The following F11R variants were observed in gnomAD, a reference collection of about 807,000 sequenced individuals.
F11R encodes the protein junctional adhesion molecule A.
F11R carries 27 observed loss-of-function variants against 39.3 expected under a neutral mutation model. That is an observed-to-expected ratio of 0.69 (90% confidence interval 0.51 to 0.95). The LOEUF is 0.95. Ranked by LOEUF, F11R falls within the 40% of genes least tolerant of loss-of-function variation. The pLI is 0.00. For synonymous variants in F11R, 131 were observed against 144.9 expected, an observed-to-expected ratio of 0.90 and a Z score of 0.69; for missense variants, 335 against 372.7, an observed-to-expected ratio of 0.90 and a Z score of 0.83.
chr1:161,008,447 A>G (rs1379423916), intron 1 of F11R, among the ~76,000 whole-genome samples: 3 of 152,046 alleles, frequency 2.0e-5, no homozygotes, highest in Non-Finnish European at 4.4e-5. Flanking sequence ...GCTTGCAGTA[A>G]GCTGAGATGG....
intron 7 of F11R, 51 bp downstream of exon 7, chr1:160,999,589 G>T: frequency 6.4e-7 from 1 of 1,559,960 alleles, no homozygotes; most frequent in Non-Finnish European, 8.8e-7. Flanking sequence ...CCCATGCCAG[G>T]CCCTGGGATG....
intron 1 of F11R, among the ~76,000 whole-genome samples, chr1:161,012,597 TAA>T (rs1491165585): frequency 2.6e-4 from 36 of 139,950 alleles, no homozygotes; most frequent in African/African-American, 8.1e-4. Context: ...TTGAATTAAT[TAA>T]TTTTATTTAT....
intron 1 of F11R, among the ~76,000 whole-genome samples, chr1:161,019,356 G>A (rs1372418177): frequency 6.6e-6 from 1 of 152,152 alleles, no homozygotes; most frequent in Non-Finnish European, 1.5e-5. Context: ...AGCACGTTGG[G>A]AGGCCGAGGC....
intron 1 of F11R, among the ~76,000 whole-genome samples, chr1:161,001,624 A>G (rs1648498385): frequency 6.6e-6 from 1 of 152,238 alleles, no homozygotes; most frequent in South Asian, 2.1e-4. Flanking sequence ...GTGACTCCCA[A>G]TAATCTAATT....
At chr1:161,002,282 A>C (rs898660730) in intron 1 of F11R, among the ~76,000 whole-genome samples, 12 of 150,916 alleles carry the variant, frequency 8.0e-5, no homozygotes, top group African/African-American at 1.5e-4. Context: ...AAAAAAAAAA[A>C]ACACACAACT....
At position 160,995,390 on chromosome 1, in the gene F11R, CAG is replaced by C. The variant is rs1341389585; in HGVS notation, c.*3479_*3480del. On this transcript the variant is annotated 3_prime_UTR_variant, in exon 10 of 10. Transcript: ENST00000368026. ...GTAGATCCTGTTAAGACAGGAAAAA[CAG>C]TGTTGGTCAAAGGGTACACGCTTTC... The C allele has an allele frequency of 6.6e-6, 1 of 152,192 alleles. No homozygotes were observed. The highest frequency in any genetic ancestry group is 2.4e-5 in the African/African-American group (1 of 41,408). 9.4% of individuals were successfully genotyped at this position (152,192 alleles called of 1,614,324 possible).
intron 3 of F11R, 110 bp from the exon 4 acceptor site, chr1:161,000,887 G>A (rs1557889778): frequency 2.0e-6 from 3 of 1,498,888 alleles, no homozygotes; most frequent in East Asian, 2.3e-5. Context: ...CCCAGAAAGG[G>A]GGGTAGGAAG....
At chr1:161,012,586 T>C (rs949358085) in intron 1 of F11R, among the ~76,000 whole-genome samples, 1 of 144,730 alleles carries the variant, frequency 6.9e-6, no homozygotes, top group African/African-American at 2.6e-5. Context: ...TTTTGTGTCG[T>C]TTGAATTAAT....
At chr1:161,012,525 G>A (rs560362470) in intron 1 of F11R, among the ~76,000 whole-genome samples, 65 of 151,466 alleles carry the variant, frequency 4.3e-4, no homozygotes, top group African/African-American at 1.5e-3. Context: ...AAAAGAGAGA[G>A]GCTCTGATCT....
intron 1 of F11R, among the ~76,000 whole-genome samples, chr1:161,016,255 T>C (rs1174675897): frequency 6.6e-6 from 1 of 151,996 alleles, no homozygotes; most frequent in Non-Finnish European, 1.5e-5. Flanking sequence ...GGCGGGCAGA[T>C]CATGAGGTCA....
At chr1:161,005,779 A>C (rs1295778284) in intron 1 of F11R, among the ~76,000 whole-genome samples, 2 of 152,044 alleles carry the variant, frequency 1.3e-5, no homozygotes, top group Non-Finnish European at 2.9e-5. Flanking sequence ...TTGGCCTCCC[A>C]AAGTGCTAGG....
At chr1:161,000,017 C>G (rs1246573991) in intron 5 of F11R, 39 bp from the exon 6 acceptor site, 1 of 1,605,114 alleles carries the variant, frequency 6.2e-7, no homozygotes, top group African/African-American at 1.3e-5. Context: ...GCTGAAGAAG[C>G]AAAATAGACA....
At chr1:161,001,982 G>C (rs1008083597) in intron 1 of F11R, among the ~76,000 whole-genome samples, 1 of 152,040 alleles carries the variant, frequency 6.6e-6, no homozygotes, top group Admixed American at 6.6e-5. Context: ...TCACACAGCT[G>C]GGGCCAGGTG....
Position 161,001,285 on chromosome 1 carries a change from G to C in F11R, c.133C>G (p.Pro45Ala), listed in dbSNP as rs758526809. Residue 45 changes from proline to alanine, a missense_variant and splice_region_variant, in exon 2 of 10, where the codon CCT becomes GCT. Coordinates refer to ENST00000368026, the MANE Select transcript of F11R (RefSeq NM_016946.6). Reference sequence around the variant, plus strand: ...CCCTCCATGGCCCCTCCCAACTCACGATTATTCTCAGGAATTCTGACTTCA... The same window carrying C: ...CCCTCCATGGCCCCTCCCAACTCACCATTATTCTCAGGAATTCTGACTTCA... ...EPEVRIPENN[P>A]VKLSCAYSGF... 3.1e-6 allele frequency: 5 copies of C among 1,613,788 alleles called. No individual in the cohort carries two copies. The highest frequency in any genetic ancestry group is 4.2e-6 in the Non-Finnish European group (5 of 1,180,000).
intron 8 of F11R, 128 bp downstream of exon 8, chr1:160,999,268 A>G: frequency 1.4e-6 from 2 of 1,456,364 alleles, no homozygotes; most frequent in East Asian, 4.5e-5. Flanking sequence ...AGGGCTGGAT[A>G]TCCAAATGCC....
rs1269987080 is a variant in F11R at position 160,998,237 on chromosome 1, T to C, written c.*634A>G. ...TTTGGCTTCAAGTTCTCTGAAAATTTACTATGCTCTCCACAACAAGAGCTC... is the reference window on the plus strand; with the variant it reads ...TTTGGCTTCAAGTTCTCTGAAAATTCACTATGCTCTCCACAACAAGAGCTC... On this transcript the variant is annotated 3_prime_UTR_variant, in exon 10 of 10. Coordinates refer to ENST00000368026, the MANE Select transcript of F11R (RefSeq NM_016946.6). 6.5e-6 allele frequency: 1 copy of C among 152,732 alleles called. No homozygotes were observed. The highest frequency in any genetic ancestry group is 1.5e-5 in the Non-Finnish European group (1 of 68,390). The allele number at this position is 152,732 out of a possible 1,614,324, so 9.5% of individuals were successfully genotyped here. A position where few individuals can be genotyped will look rare whatever the true frequency, so the allele number is the denominator to read the frequency against.
intron 1 of F11R, among the ~76,000 whole-genome samples, chr1:161,006,070 G>T (rs1371964489): frequency 1.3e-5 from 2 of 151,364 alleles, no homozygotes; most frequent in East Asian, 3.9e-4. Flanking sequence ...CCCGGGAGGC[G>T]AAGGTTGCCG....
intron 1 of F11R, among the ~76,000 whole-genome samples, chr1:161,017,130 G>A (rs934157509): frequency 2.1e-4 from 32 of 152,126 alleles, no homozygotes; most frequent in African/African-American, 6.7e-4. Context: ...AAAACACTGC[G>A]GAAGGCCGCA....
intron 1 of F11R, among the ~76,000 whole-genome samples, chr1:161,006,149 G>T (rs1047489575): frequency 1.0e-4 from 15 of 150,440 alleles, no homozygotes; most frequent in African/African-American, 1.5e-4. Flanking sequence ...AAAAAAAAAG[G>T]GGGGGGGCAC....
Sources: allele counts gnomAD v4.1 joint callset (sites outside exome capture counted in the v4.1 genomes callset), GRCh38; gene constraint gnomAD v4.1.1; transcripts MANE v1.5; gene names NCBI Gene and HGNC (gene_info 2026-07-23, HGNC 2026-07-21).